Variants in AGBL1 observed in about 807,000 individuals in gnomAD.
The protein encoded by AGBL1 is AGBL carboxypeptidase 1, also known as cytosolic carboxypeptidase 4.
A neutral mutation model predicts 118.9 loss-of-function variants in AGBL1; 130 were observed. The ratio of observed to expected loss-of-function variants is 1.09; its 90% CI spans 0.95 to 1.26. The LOEUF (loss-of-function observed/expected upper bound fraction) is 1.26. Ranked by LOEUF, AGBL1 falls within the 50% of genes most tolerant of loss-of-function variation. The pLI, the probability that AGBL1 is intolerant of heterozygous loss-of-function variation, is 0.00. For synonymous variants in AGBL1, 555 were observed against 478.9 expected, an observed-to-expected ratio of 1.16 and a Z score of -2.08; for missense variants, 1,584 against 1,298.1, an observed-to-expected ratio of 1.22 and a Z score of -3.38.
At position 86,533,530 on chromosome 15, in the gene AGBL1, C is replaced by G. The variant is rs1397275689; in HGVS notation, c.2685+10591C>G. Among the ~76,000 whole-genome samples, 43 of 119,488 alleles carry G rather than the reference C, an allele frequency of 3.6e-4. 1 individual carries two copies. Among genetic ancestry groups the G allele is most frequent in the African/African-American group, 1.6e-3 (41 of 26,120 alleles). 78.4% of individuals were successfully genotyped at this position (119,488 alleles called of 152,430 possible). On this transcript the variant is annotated intron_variant, in intron 19 of 22. Coordinates refer to ENST00000614907, the MANE Select transcript of AGBL1 (RefSeq NM_001386094.1). ...CTGTTGGTGGGACTGTAAACTAGTTCAACCATTGTGGAAGTCAGTGTGGCG... is the reference window on the plus strand; with the variant it reads ...CTGTTGGTGGGACTGTAAACTAGTTGAACCATTGTGGAAGTCAGTGTGGCG...
intron 17 of AGBL1, among the ~76,000 whole-genome samples, chr15:86,360,646 C>T (rs775229401): frequency 6.6e-6 from 1 of 151,910 alleles, no homozygotes; most frequent in African/African-American, 2.4e-5. Flanking sequence ...TGGTAGAATT[C>T]AACTCTGAAG....
chr15:86,788,361 A>G (rs2078444844), intron 22 of AGBL1, among the ~76,000 whole-genome samples: 3 of 152,256 alleles, frequency 2.0e-5, no homozygotes, highest in Admixed American at 1.3e-4. Context: ...TATTATACAC[A>G]TGAAGATGAC....
At chr15:86,331,584 A>G (rs1279525075) in intron 17 of AGBL1, among the ~76,000 whole-genome samples, 1 of 152,240 alleles carries the variant, frequency 6.6e-6, no homozygotes, top group African/African-American at 2.4e-5. Flanking sequence ...AGGGAACCCT[A>G]TCAAGCTAAC....
chr15:86,082,835 G>T (rs146519504), intron 1 of AGBL1, among the ~76,000 whole-genome samples: 3 of 152,314 alleles, frequency 2.0e-5, no homozygotes, highest in Non-Finnish European at 2.9e-5. Context: ...ACTGATGTGG[G>T]TCTGGGTGAA....
At chr15:86,986,597 T>C (rs1339769016) in intron 23 of AGBL1, among the ~76,000 whole-genome samples, 1 of 152,088 alleles carries the variant, frequency 6.6e-6, no homozygotes, top group African/African-American at 2.4e-5. Context: ...AGAGGAGTCA[T>C]ATATCTGGTG....
intron 17 of AGBL1, among the ~76,000 whole-genome samples, chr15:86,374,399 A>G (rs2081008987): frequency 6.6e-6 from 1 of 152,222 alleles, no homozygotes. Flanking sequence ...AATGTCATAA[A>G]AGTAATAGGA....
intron 17 of AGBL1, among the ~76,000 whole-genome samples, chr15:86,335,105 A>G (rs202116385): frequency 1.3e-5 from 2 of 152,172 alleles, no homozygotes; most frequent in East Asian, 3.9e-4. Flanking sequence ...GATACCACAG[A>G]AGAAAGACTG....
intron 17 of AGBL1, among the ~76,000 whole-genome samples, chr15:86,298,281 G>A (rs58681600): frequency 1.1e-4 from 6 of 52,426 alleles, no homozygotes; most frequent in South Asian, 5.3e-4. Context: ...ATATATATAT[G>A]GTAACTATAT....
At chr15:86,576,109 G>A (rs2448928) in intron 21 of AGBL1, among the ~76,000 whole-genome samples, 119,887 of 152,080 alleles carry the variant, frequency 0.79, 47,468 homozygotes, top group African/African-American at 0.81. Context: ...TAGCATTTCT[G>A]CATGCTAACT....
intron 22 of AGBL1, among the ~76,000 whole-genome samples, chr15:86,750,669 A>C (rs926937505): frequency 3.3e-5 from 5 of 152,172 alleles, no homozygotes; most frequent in African/African-American, 9.6e-5. Context: ...CTTCAGGGGT[A>C]CAAGTGCAGG....
intron 18 of AGBL1, among the ~76,000 whole-genome samples, chr15:86,467,198 C>T (rs2082418552): frequency 6.6e-6 from 1 of 152,176 alleles, no homozygotes; most frequent in Non-Finnish European, 1.5e-5. Context: ...GAGATGCAGT[C>T]TGGCTACAGA....
chr15:86,282,185 T>TG (rs750996444), intron 16 of AGBL1, among the ~76,000 whole-genome samples: 26 of 152,096 alleles, frequency 1.7e-4, no homozygotes, highest in Non-Finnish European at 2.9e-4. Flanking sequence ...AACCACTGGG[T>TG]GGGGGGTCAA....
At chr15:86,397,642 C>G (rs1226035162) in intron 18 of AGBL1, 96 bp downstream of exon 18, 2 of 1,148,922 alleles carry the variant, frequency 1.7e-6, no homozygotes, top group Non-Finnish European at 2.5e-6. Flanking sequence ...GGCCTCGGTA[C>G]TCTGTCGAGA....
chr15:86,912,990 C>G lies in AGBL1; in HGVS notation c.*5696C>G, dbSNP rs1012215146. On this transcript the variant is annotated 3_prime_UTR_variant, in exon 23 of 23. Transcript: ENST00000614907. ...TGTTTGTGTTGCAGTTTGGTTCATG[C>G]TACCAATGCTTGATAAAAAGTGTTC... 1 of 151,994 alleles carries G rather than the reference C, an allele frequency of 6.6e-6. No individual in the cohort carries two copies. Among genetic ancestry groups the G allele is most frequent in the African/African-American group, 2.4e-5 (1 of 41,382 alleles). 9.4% of individuals were successfully genotyped at this position (151,994 alleles called of 1,614,324 possible). A position where few individuals can be genotyped will look rare whatever the true frequency, so the allele number is the denominator to read the frequency against.
At chr15:86,182,397 C>G (rs565721026) in intron 5 of AGBL1, among the ~76,000 whole-genome samples, 1 of 152,148 alleles carries the variant, frequency 6.6e-6, no homozygotes, top group Non-Finnish European at 1.5e-5. Context: ...TACATCCTAT[C>G]TGCTGTTTAC....
chr15:86,408,940 C>G (rs118166355), intron 18 of AGBL1, among the ~76,000 whole-genome samples: 5,196 of 152,194 alleles, frequency 0.034, 115 homozygotes, highest in Non-Finnish European at 0.054. Flanking sequence ...TGAAGATATT[C>G]TCCTAGACAA....
chr15:86,320,166 A>C (rs1175468349), intron 17 of AGBL1, among the ~76,000 whole-genome samples: 1 of 152,140 alleles, frequency 6.6e-6, no homozygotes, highest in Non-Finnish European at 1.5e-5. Flanking sequence ...GAGATTTTTC[A>C]TTGAGATTTT....
rs138603149 is a variant in AGBL1, at chr15:86,475,186, C to T, written c.2556-47624C>T. On this transcript the variant is annotated intron_variant, in intron 18 of 22. Coordinates refer to ENST00000614907, the MANE Select transcript of AGBL1 (RefSeq NM_001386094.1). ...GAGTGCCTCTCCCCCTCCAAAGGAA[C>T]GCGACTCATTGCCAGCAACGGAACA... 3.3e-3 allele frequency among the ~76,000 whole-genome samples: 504 copies of T among 152,268 alleles called. 3 individuals are homozygous for T. The highest frequency in any genetic ancestry group is 0.011 in the African/African-American group (468 of 41,556).
intron 22 of AGBL1, among the ~76,000 whole-genome samples, chr15:86,842,922 T>A (rs1480253525): frequency 6.6e-6 from 1 of 152,038 alleles, no homozygotes; most frequent in South Asian, 2.1e-4. Flanking sequence ...TCCTTAATGA[T>A]CTCATTAGAC....
Sources: gnomAD v4.1 joint callset for allele counts (sites outside exome capture counted in the v4.1 genomes callset) on GRCh38, gnomAD v4.1.1 for gene constraint, MANE v1.5 for transcripts, NCBI Gene and HGNC (gene_info 2026-07-23, HGNC 2026-07-21) for gene names.